The following ZFHX4 variants were observed in gnomAD, a reference collection of about 807,000 sequenced individuals.
The protein encoded by ZFHX4 is zinc finger homeobox 4.
Under a neutral mutation model 267.6 loss-of-function variants are expected in ZFHX4, and 56 were observed. The ratio of observed to expected loss-of-function variants is 0.21; its 90% confidence interval spans 0.17 to 0.26. The LOEUF (loss-of-function observed/expected upper bound fraction) is 0.26. Among genes scored for constraint, ZFHX4 ranks in the 10% least tolerant of loss-of-function variants. ZFHX4 has a pLI of 1.00. For missense variants in ZFHX4, 4,332 were observed against 4,420.0 expected (o/e 0.98, Z 0.56); for synonymous variants, 1,778 against 1,665.6 (o/e 1.07, Z -1.64).
intron 3 of ZFHX4, among the ~76,000 whole-genome samples, chr8:76,741,623 G>A (rs926582964): frequency 6.6e-6 from 1 of 152,178 alleles, no homozygotes; most frequent in African/African-American, 2.4e-5. Context: ...GTTTGTATTT[G>A]GCGGGAAGAA....
intron 3 of ZFHX4, among the ~76,000 whole-genome samples, chr8:76,751,951 T>G (rs1809624852): frequency 6.6e-6 from 1 of 152,162 alleles, no homozygotes; most frequent in Admixed American, 6.5e-5. Flanking sequence ...GAAAGGATAA[T>G]GCTGAGAGTA....
chr8:76,778,448 C>A lies in ZFHX4; in HGVS notation c.3325+9C>A. 6.2e-7 allele frequency: 1 copy of A among 1,609,682 alleles called. No homozygotes were observed. The highest frequency in any genetic ancestry group is 2.2e-5 in the East Asian group (1 of 44,814). ...CCCACCAAATGAGCTTGGTGAGTAACCCTGAAGAGGGCTGTCTCTGAGCCT... is the reference window on the plus strand; with the variant it reads ...CCCACCAAATGAGCTTGGTGAGTAAACCTGAAGAGGGCTGTCTCTGAGCCT... On this transcript the variant is annotated intron_variant, in intron 4 of 10. Transcript: ENST00000651372.
At chr8:76,682,150 G>A (rs547803946) in intron 1 of ZFHX4, among the ~76,000 whole-genome samples, 1 of 152,236 alleles carries the variant, frequency 6.6e-6, no homozygotes, top group Non-Finnish European at 1.5e-5. Flanking sequence ...GGGATGACTG[G>A]TCCTCCGCAC....
chr8:76,801,792 T>C (rs1811123808), intron 4 of ZFHX4, among the ~76,000 whole-genome samples: 1 of 152,162 alleles, frequency 6.6e-6, no homozygotes, highest in Admixed American at 6.6e-5. Context: ...TGCTGAGGTA[T>C]TAAAAGAAGG....
chr8:76,728,520 A>G (rs1270354192), intron 3 of ZFHX4, among the ~76,000 whole-genome samples: 1 of 152,244 alleles, frequency 6.6e-6, no homozygotes, highest in African/African-American at 2.4e-5. Flanking sequence ...AAAAAGAACT[A>G]GTAAAAGGTA....
At chr8:76,746,140 T>C (rs1319514207) in intron 3 of ZFHX4, among the ~76,000 whole-genome samples, 1 of 152,220 alleles carries the variant, frequency 6.6e-6, no homozygotes, top group Non-Finnish European at 1.5e-5. Context: ...GAGCGATGGC[T>C]CATGCCTATA....
chr8:76,740,392 G>T (rs932752323), intron 3 of ZFHX4, among the ~76,000 whole-genome samples: 2 of 151,832 alleles, frequency 1.3e-5, no homozygotes, highest in South Asian at 2.1e-4. Context: ...AATGGGTTCC[G>T]CATACACTGC....
intron 4 of ZFHX4, among the ~76,000 whole-genome samples, chr8:76,787,115 C>A (rs113675074): frequency 2.0e-5 from 3 of 152,026 alleles, no homozygotes; most frequent in African/African-American, 7.3e-5. Flanking sequence ...AACAAAACAA[C>A]AAACAATTTT....
At chr8:76,816,591 T>C (rs1422126538) in intron 4 of ZFHX4, among the ~76,000 whole-genome samples, 2 of 97,148 alleles carry the variant, frequency 2.1e-5, no homozygotes, top group Non-Finnish European at 4.3e-5. Context: ...TTTAAATGTC[T>C]TTTTTTTTTT....
intron 5 of ZFHX4, among the ~76,000 whole-genome samples, chr8:76,835,227 A>ATGTATATATATATACGTATATATATG (rs1370836150): frequency 1.7e-5 from 1 of 59,086 alleles, no homozygotes; most frequent in Non-Finnish European, 3.3e-5. Context: ...ATGTATATAT[A>ATGTATATATATATACGTATATATATG]TATATATATA....
intron 3 of ZFHX4, among the ~76,000 whole-genome samples, chr8:76,760,754 C>T (rs1001734167): frequency 6.6e-6 from 1 of 151,838 alleles, no homozygotes; most frequent in Non-Finnish European, 1.5e-5. Context: ...ATAAGGAGAT[C>T]TCTTCTCTAC....
intron 1 of ZFHX4, among the ~76,000 whole-genome samples, chr8:76,685,908 A>G (rs1807680922): frequency 6.6e-6 from 1 of 152,206 alleles, no homozygotes; most frequent in Non-Finnish European, 1.5e-5. Flanking sequence ...TTCCTTTTAC[A>G]TTTTGTTTCT....
intron 4 of ZFHX4, among the ~76,000 whole-genome samples, chr8:76,806,784 T>G (rs1445104177): frequency 6.6e-6 from 1 of 152,124 alleles, no homozygotes; most frequent in Non-Finnish European, 1.5e-5. Context: ...TTTTTGATTT[T>G]TTTTGTTTTT....
At position 76,707,832 on chromosome 8, in the gene ZFHX4, G is replaced by A. The variant is rs747426760; in HGVS notation, c.2877G>A (p.Gln959=). Residue 959 remains glutamine (Q), a synonymous_variant, in exon 3 of 11, where the codon CAG becomes CAA. Coordinates refer to ENST00000651372, the MANE Select transcript of ZFHX4 (RefSeq NM_024721.5). ...NYNTQLKANF[Q]LHCKTDKHMQ... ...ACACTCAGCTCAAAGCCAACTTCCAGCTACACTGCAAGACTGATAAACATA... is the reference window on the plus strand; with the variant it reads ...ACACTCAGCTCAAAGCCAACTTCCAACTACACTGCAAGACTGATAAACATA... 1 of 1,613,970 alleles carries A rather than the reference G, an allele frequency of 6.2e-7. No individual in the cohort carries two copies. Among genetic ancestry groups the A allele is most frequent in the Admixed American group, 1.7e-5 (1 of 59,992 alleles).
chr8:76,721,850 T>G (rs999003274), intron 3 of ZFHX4, among the ~76,000 whole-genome samples: 11 of 152,138 alleles, frequency 7.2e-5, no homozygotes, highest in Non-Finnish European at 1.3e-4. Context: ...CCATGTGATG[T>G]TTGTGACCGT....
intron 4 of ZFHX4, among the ~76,000 whole-genome samples, chr8:76,787,821 A>T (rs1810733513): frequency 6.6e-6 from 1 of 151,960 alleles, no homozygotes; most frequent in South Asian, 2.1e-4. Context: ...TCAAAAAAAG[A>T]AAAAAGAAAA....
intron 3 of ZFHX4, among the ~76,000 whole-genome samples, chr8:76,710,490 C>G (rs1488919498): frequency 6.6e-6 from 1 of 151,886 alleles, no homozygotes; most frequent in Non-Finnish European, 1.5e-5. Context: ...TTGGCCTGAG[C>G]CTAGAAAAAA....
chr8:76,860,326 T>A (rs991434215), intron 10 of ZFHX4, among the ~76,000 whole-genome samples: 4 of 152,104 alleles, frequency 2.6e-5, no homozygotes, highest in African/African-American at 9.7e-5. Context: ...TTCCTGATAA[T>A]CTTTGATCTA....
In ZFHX4 at chr8:76,864,533, A is replaced by G. The variant is rs759230463; in HGVS notation, c.10819A>G (p.Asn3607Asp). Residue 3607 changes from asparagine to aspartate, a missense_variant, in exon 11 of 11, where the codon AAT becomes GAT. Transcript: ENST00000651372. ...KPASGLDGNFNSIRMDMFSV is the reference protein window; with the variant it reads ...KPASGLDGNFDSIRMDMFSV ...TGCTTCTGGCCTAGATGGTAATTTC[A>G]ATAGCATCCGAATGGATATGTTCAG... is the stretch of plus-strand genomic sequence containing the variant. The G allele has an allele frequency of 8.1e-6, 13 of 1,611,388 alleles. No individual in the cohort carries two copies. The highest frequency in any genetic ancestry group is 3.3e-4 in the Middle Eastern group (2 of 6,020).
Sources: allele counts gnomAD v4.1 joint callset (sites outside exome capture counted in the v4.1 genomes callset), GRCh38; gene constraint gnomAD v4.1.1; transcripts MANE v1.5; gene names NCBI Gene and HGNC (gene_info 2026-07-23, HGNC 2026-07-21).